Variants in MET observed in about 807,000 individuals in gnomAD.
MET encodes the protein hepatocyte growth factor receptor.
In MET, 48 loss-of-function variants were observed where a neutral mutation model predicts 133.1. The ratio of observed to expected loss-of-function variants is 0.36; its 90% confidence interval spans 0.29 to 0.46. The LOEUF (loss-of-function observed/expected upper bound fraction) is 0.46. MET is among the 20% of genes least tolerant of loss of function. MET has a pLI of 1.00. For synonymous variants in MET, 628 were observed against 616.5 expected (o/e 1.02, Z -0.28); for missense variants, 1,442 against 1,695.9 (o/e 0.85, Z 2.63).
chr7:116,774,987 A>G lies in MET; in HGVS notation c.3135A>G (p.Pro1045=), dbSNP rs1584957836. The G allele has an allele frequency of 6.2e-7, 1 of 1,614,150 alleles. No homozygotes were observed. The highest frequency in any genetic ancestry group is 8.5e-7 in the Non-Finnish European group (1 of 1,180,004). The part of the protein sequence containing the change: ...LTSGDSDISS[P]LLQNTVHIDL... Reference sequence around the variant, plus strand: ...GTGGGGACTCTGATATATCCAGTCCATTACTGCAAAATACTGTCCACATTG... The same window carrying G: ...GTGGGGACTCTGATATATCCAGTCCGTTACTGCAAAATACTGTCCACATTG... The change falls in exon 15 of 21, where the codon CCA becomes CCG. Residue 1045 remains proline, a synonymous_variant. Coordinates refer to ENST00000397752, the MANE Select transcript of MET (RefSeq NM_000245.4).
chr7:116,763,310 A>T (rs2116957967), intron 11 of MET, 42 bp downstream of exon 11: 2 of 1,528,166 alleles, frequency 1.3e-6, no homozygotes, highest in South Asian at 2.3e-5. Flanking sequence ...ATCAGCTCAA[A>T]CTTAATTGAC....
chr7:116,792,456 G>C (rs866413148), intron 19 of MET, among the ~76,000 whole-genome samples: 8 of 80,734 alleles, frequency 9.9e-5, no homozygotes, highest in South Asian at 5.7e-4. Context: ...TCAACCGACA[G>C]ACACACACAC....
At chr7:116,686,074 A>G (rs1796543262) in intron 1 of MET, among the ~76,000 whole-genome samples, 2 of 151,926 alleles carry the variant, frequency 1.3e-5, no homozygotes, top group East Asian at 1.9e-4. Flanking sequence ...CCCCCCAGCC[A>G]CTAGCAGTCT....
intron 5 of MET, among the ~76,000 whole-genome samples, chr7:116,746,411 C>T (rs1793687419): frequency 6.6e-6 from 1 of 152,114 alleles, no homozygotes; most frequent in Admixed American, 6.5e-5. Flanking sequence ...ACCATTTGAC[C>T]CAGCTGTCCC....
intron 1 of MET, among the ~76,000 whole-genome samples, chr7:116,688,960 A>G (rs1796675880): frequency 6.6e-6 from 1 of 152,248 alleles, no homozygotes; most frequent in African/African-American, 2.4e-5. Context: ...CCCCCTGGAA[A>G]CATTAATTAT....
chr7:116,789,241 A>G (rs566977547), intron 19 of MET, among the ~76,000 whole-genome samples: 1 of 152,176 alleles, frequency 6.6e-6, no homozygotes, highest in African/African-American at 2.4e-5. Context: ...TTTTGTCTTT[A>G]GGGGTCATCC....
intron 1 of MET, among the ~76,000 whole-genome samples, chr7:116,686,932 AT>A (rs1368081463): frequency 1.3e-5 from 2 of 152,156 alleles, no homozygotes; most frequent in Non-Finnish European, 2.9e-5. Flanking sequence ...CTCAAGTAGT[AT>A]CCCCTCTGAA....
chr7:116,721,563 T>C (rs1036490359), intron 2 of MET, among the ~76,000 whole-genome samples: 6 of 152,218 alleles, frequency 3.9e-5, no homozygotes, highest in Non-Finnish European at 8.8e-5. Context: ...TCTAGTTCTT[T>C]TAATTGTGAT....
rs1584955347 is a variant in MET at position 116,771,896 on chromosome 7, C to T, written c.2935C>T (p.His979Tyr). 1 of 1,613,888 alleles carries T rather than the reference C, an allele frequency of 6.2e-7. No individual in the cohort carries two copies. The highest frequency in any genetic ancestry group is 2.2e-5 in the East Asian group (1 of 44,858). Reference protein sequence around the residue: ...VRYDARVHTPHLDRLVSARSV... With the variant: ...VRYDARVHTPYLDRLVSARSV... ...CTACGATGCAAGAGTACACACTCCT[C>T]ATTTGGATAGGCTTGTAAGTGCCCG... Residue 979 changes from histidine to tyrosine, a missense_variant, in exon 14 of 21, where the codon CAT becomes TAT. Transcript: ENST00000397752.
At chr7:116,724,838 T>A (rs1268724874) in intron 2 of MET, 2 of 1,289,072 alleles carry the variant, frequency 1.6e-6, no homozygotes, top group East Asian at 5.5e-5. Flanking sequence ...GTCCTAGCCC[T>A]GCACTGAAGG....
chr7:116,755,764 T>G (rs1023060962), intron 6 of MET, among the ~76,000 whole-genome samples: 8 of 152,096 alleles, frequency 5.3e-5, no homozygotes, highest in Non-Finnish European at 1.0e-4. Flanking sequence ...TCTCAACCAT[T>G]TATGCGACAA....
intron 2 of MET, among the ~76,000 whole-genome samples, chr7:116,702,564 C>T (rs1464377766): frequency 6.6e-6 from 1 of 152,100 alleles, no homozygotes; most frequent in African/African-American, 2.4e-5. Context: ...AATAAGATGA[C>T]TCCATTTTGT....
chr7:116,762,444 C>T (rs1481340712), intron 10 of MET, among the ~76,000 whole-genome samples: 2 of 152,176 alleles, frequency 1.3e-5, no homozygotes, highest in African/African-American at 4.8e-5. Context: ...GTATTTTGCA[C>T]AGAACCTGGC....
chr7:116,672,599 G>C, intron 1 of MET, 22 bp downstream of exon 1: 3 of 383,752 alleles, frequency 7.8e-6, no homozygotes, highest in Non-Finnish European at 9.2e-6. Flanking sequence ...GCCCCTTTCA[G>C]ATCCAGTACC....
chr7:116,761,764 A>G (rs912522776), intron 10 of MET, among the ~76,000 whole-genome samples: 10 of 152,110 alleles, frequency 6.6e-5, no homozygotes, highest in Non-Finnish European at 1.2e-4. Context: ...ATAAAACTAA[A>G]TAGTATAATT....
rs375500539 is a variant in MET, at chr7:116,774,836, T to C, written c.3029-45T>C. On this transcript the variant is annotated intron_variant, in intron 14 of 20. Coordinates refer to ENST00000397752, the MANE Select transcript of MET (RefSeq NM_000245.4). Reference sequence around the variant, plus strand: ...TCTTCCTGTTTCAGTCCCCATTAAATGAGGTTTTACTGTTGTTCTTTAATA... The same window carrying C: ...TCTTCCTGTTTCAGTCCCCATTAAACGAGGTTTTACTGTTGTTCTTTAATA... The C allele has an allele frequency of 6.6e-5, 96 of 1,450,050 alleles. No individual in the cohort carries two copies. In the African/African-American group the frequency reaches 1.2e-3, roughly 18 times the overall value. The allele number at this position is 1,450,050 out of a possible 1,614,324, so 89.8% of individuals were successfully genotyped here. A position where few individuals can be genotyped will look rare whatever the true frequency, so the allele number is the denominator to read the frequency against.
intron 2 of MET, among the ~76,000 whole-genome samples, chr7:116,702,596 G>A (rs1791622350): frequency 6.6e-6 from 1 of 152,170 alleles, no homozygotes; most frequent in South Asian, 2.1e-4. Flanking sequence ...TACTTGGCCA[G>A]AAATCAAGTG....
intron 2 of MET, among the ~76,000 whole-genome samples, chr7:116,715,847 G>A (rs1355144622): frequency 6.6e-6 from 1 of 152,174 alleles, no homozygotes; most frequent in Non-Finnish European, 1.5e-5. Flanking sequence ...TATTTAGGGA[G>A]CATTACACTA....
At chr7:116,752,265 G>T (rs983509193) in intron 5 of MET, among the ~76,000 whole-genome samples, 2 of 152,050 alleles carry the variant, frequency 1.3e-5, no homozygotes, top group African/African-American at 4.8e-5. Context: ...TTTTGTTTTT[G>T]TTTTTTAGTT....
Sources: gnomAD v4.1 joint callset for allele counts (sites outside exome capture counted in the v4.1 genomes callset) on GRCh38, gnomAD v4.1.1 for gene constraint, MANE v1.5 for transcripts, NCBI Gene and HGNC (gene_info 2026-07-23, HGNC 2026-07-21) for gene names.